Variants in PLEKHG3 observed in about 807,000 individuals in gnomAD.
PLEKHG3 encodes pleckstrin homology and RhoGEF domain containing G3.
A neutral mutation model predicts 94.9 loss-of-function variants in PLEKHG3; 62 were observed. That is an observed-to-expected ratio of 0.65 (90% CI 0.53 to 0.81). PLEKHG3 has a LOEUF of 0.81. PLEKHG3 is among the 30% of genes least tolerant of loss of function. PLEKHG3 has a pLI of 0.00. For synonymous variants in PLEKHG3, 614 were observed against 654.0 expected (o/e 0.94, Z 0.93); for missense variants, 1,461 against 1,619.3 (o/e 0.90, Z 1.68).
rs533451158 is a variant in PLEKHG3 at position 64,732,985 on chromosome 14, T to G, written c.1345+84T>G. 2 of 850,216 alleles carry G rather than the reference T, an allele frequency of 2.4e-6. No individual in the cohort carries two copies. The highest frequency in any genetic ancestry group is 3.0e-5 in the South Asian group (2 of 65,958). The allele number at this position is 850,216 out of a possible 1,614,324, so 52.7% of individuals were successfully genotyped here. Reference sequence around the variant, plus strand: ...GACCGTCTGCGGCAGTGTCCAGGGCTGTGGCTCTCACCTCTGCGGAAACCC... The same window carrying G: ...GACCGTCTGCGGCAGTGTCCAGGGCGGTGGCTCTCACCTCTGCGGAAACCC... On this transcript the variant is annotated intron_variant, in intron 12 of 16. Transcript: ENST00000247226. This position sits in a 1 kb window ranked among gnomAD's most constrained non-coding sequence, Gnocchi z 4.9.
chr14:64,721,954 T>G lies in PLEKHG3; in HGVS notation c.-39-5639T>G, dbSNP rs2081268812. Among the ~76,000 whole-genome samples, 1 of 151,740 alleles carries G rather than the reference T, an allele frequency of 6.6e-6. No homozygotes were observed. Among genetic ancestry groups the G allele is most frequent in the African/African-American group, 2.4e-5 (1 of 41,414 alleles). ...GTTGAGATCTTAGTTGAGAGAGATC[T>G]CTCTCTGGAAGTTCACATTGCTCCC... On this transcript the variant is annotated intron_variant, in intron 1 of 16. Transcript: ENST00000247226. This position sits in a 1 kb window ranked among gnomAD's most constrained non-coding sequence, Gnocchi z 4.3.
Position 64,733,946 on chromosome 14 carries a change from G to C in PLEKHG3, c.1345+1045G>C, listed in dbSNP as rs115027029. ...AACATATACCCAAGGTGGGAGTTGG[G>C]GTGAGAATTGTCTTTAAGACCCTGG... On this transcript the variant is annotated intron_variant, in intron 12 of 16. Transcript: ENST00000247226. Among the ~76,000 whole-genome samples the C allele has an allele frequency of 2.9e-3, 435 of 152,338 alleles. 1 individual carries two copies. The highest frequency in any genetic ancestry group is 0.01 in the Middle Eastern group (3 of 294).
Position 64,749,137 on chromosome 14 carries a change from A to T in PLEKHG3, c.*5434A>T. ...GAGGGCATGGAGGGGGCGTCGGCCC[A>T]GGACACGCGGGCGAAGGCAGCTTTT... On this transcript the variant is annotated 3_prime_UTR_variant, in exon 17 of 17. Coordinates refer to ENST00000247226, the MANE Select transcript of PLEKHG3 (RefSeq NM_001308147.2). This position sits in a 1 kb window ranked among gnomAD's most constrained non-coding sequence, Gnocchi z 4.7. 1 of 723,650 alleles carries T rather than the reference A, an allele frequency of 1.4e-6. No individual in the cohort carries two copies. Among genetic ancestry groups the T allele is most frequent in the Non-Finnish European group, 2.2e-6 (1 of 463,948 alleles). 44.8% of individuals were successfully genotyped at this position (723,650 alleles called of 1,614,324 possible).
rs368961738 is a variant in PLEKHG3, at chr14:64,742,379, G to C, written c.2862G>C (p.Val954=). The C allele has an allele frequency of 6.2e-7, 1 of 1,612,842 alleles. No homozygotes were observed. The highest frequency in any genetic ancestry group is 1.3e-5 in the African/African-American group (1 of 74,954). ...MARPPLQWEK[V]APERDGKSPT... The stretch of plus-strand genomic sequence containing the variant: ...GGCCACCACTGCAGTGGGAAAAGGT[G>C]GCCCCTGAGAGGGATGGGAAGAGCC... Residue 954 remains valine (V), a synonymous_variant, in exon 16 of 17, where the codon GTG becomes GTC. Transcript: ENST00000247226.
chr14:64,749,044 G>A lies in PLEKHG3; in HGVS notation c.*5341G>A, dbSNP rs2081896518. 2 of 403,990 alleles carry A rather than the reference G, an allele frequency of 5.0e-6. No individual in the cohort carries two copies. Among genetic ancestry groups the A allele is most frequent in the Admixed American group, 4.5e-5 (1 of 22,316 alleles). 25.0% of individuals were successfully genotyped at this position (403,990 alleles called of 1,614,324 possible). A position where few individuals can be genotyped will look rare whatever the true frequency, so the allele number is the denominator to read the frequency against. On this transcript the variant is annotated 3_prime_UTR_variant, in exon 17 of 17. Transcript: ENST00000247226. The surrounding 1 kb of genome is among the most constrained non-coding windows in gnomAD (Gnocchi z 4.7). ...CTCAGAGAACCGTTTCCTGCCCCCA[G>A]GCCTGGAGGCCCCAAAGGCGCCAGA... is the stretch of plus-strand genomic sequence containing the variant.
At position 64,742,450 on chromosome 14, in the gene PLEKHG3, G is replaced by T; in HGVS notation, c.2933G>T (p.Gly978Val). Residue 978 changes from glycine to valine, a missense_variant, in exon 16 of 17, where the codon GGC becomes GTC. Around this residue, in one of 3 missense-constraint regions of PLEKHG3, gnomAD observed 1,201 missense variants for 1,295.5 expected, o/e 0.93. Transcript: ENST00000247226. ...GAAGAGGCTGGAGAGCCATTAGGTG[G>T]CAAAGGTATGACAGAAGCGGCAAGT... is the stretch of plus-strand genomic sequence containing the variant. ...LQEEAGEPLG[G>V]KGKRKPVLSL... is the part of the protein sequence containing the mutation. The T allele has an allele frequency of 6.2e-7, 1 of 1,603,968 alleles. No homozygotes were observed. The highest frequency in any genetic ancestry group is 8.5e-7 in the Non-Finnish European group (1 of 1,174,388).
chr14:64,731,884 C>A lies in PLEKHG3; in HGVS notation c.1125+78C>A, dbSNP rs1005435298. On this transcript the variant is annotated intron_variant, in intron 9 of 16. Coordinates refer to ENST00000247226, the MANE Select transcript of PLEKHG3 (RefSeq NM_001308147.2). This position sits in a 1 kb window ranked among gnomAD's most constrained non-coding sequence, Gnocchi z 6.1. ...CTGCGTGGGACTCCTGGCTCCTCTGCTCACCTAGCTGCCCCAAGCCCCAGT... is the reference window on the plus strand; with the variant it reads ...CTGCGTGGGACTCCTGGCTCCTCTGATCACCTAGCTGCCCCAAGCCCCAGT... The A allele has an allele frequency of 7.6e-6, 8 of 1,057,506 alleles. No individual in the cohort carries two copies. The South Asian group carries it at 1.0e-4, about 13-fold the overall frequency. 65.5% of individuals were successfully genotyped at this position (1,057,506 alleles called of 1,614,324 possible). A position where few individuals can be genotyped will look rare whatever the true frequency, so the allele number is the denominator to read the frequency against.
At position 64,742,950 on chromosome 14, in the gene PLEKHG3, C is replaced by T. The variant is rs753505751; in HGVS notation, c.2939-32C>T. ...CCCTTGCAGCTCTGCCCTCCCGCCC[C>T]ATGCTTCAGGCAGCTTGCTCTCTCC... On this transcript the variant is annotated intron_variant, in intron 16 of 16. Coordinates refer to ENST00000247226, the MANE Select transcript of PLEKHG3 (RefSeq NM_001308147.2). 4.3e-6 allele frequency: 7 copies of T among 1,611,852 alleles called. No homozygotes were observed. The Admixed American group carries it at 6.7e-5, about 15-fold the overall frequency.
rs373091506 is a variant in PLEKHG3 at position 64,750,050 on chromosome 14, A to G, written c.*6347A>G. On this transcript the variant is annotated 3_prime_UTR_variant, in exon 17 of 17. Transcript: ENST00000247226. ...CTCACAGATGGCATGTCTCAGGGCCAGGGGTTCCTCCCCATGGTAGGGCAT... is the reference window on the plus strand; with the variant it reads ...CTCACAGATGGCATGTCTCAGGGCCGGGGGTTCCTCCCCATGGTAGGGCAT... 3 of 1,614,106 alleles carry G rather than the reference A, an allele frequency of 1.9e-6. No homozygotes were observed. In the African/African-American group the frequency reaches 4.0e-5, roughly 22 times the overall value.
At position 64,749,472 on chromosome 14, in the gene PLEKHG3, T is replaced by A; in HGVS notation, c.*5769T>A. 1 of 1,600,072 alleles carries A rather than the reference T, an allele frequency of 6.2e-7. No homozygotes were observed. The highest frequency in any genetic ancestry group is 8.5e-7 in the Non-Finnish European group (1 of 1,178,094). ...GCCCTGCAGCCAGGACAGCATCTCC[T>A]CCTGCGGGGCGGAGGGTCACGGTGG... On this transcript the variant is annotated 3_prime_UTR_variant, in exon 17 of 17. Coordinates refer to ENST00000247226, the MANE Select transcript of PLEKHG3 (RefSeq NM_001308147.2). The surrounding 1 kb of genome is among the most constrained non-coding windows in gnomAD (Gnocchi z 4.7).
rs562074706 is a variant in PLEKHG3, at chr14:64,732,555, C to T, written c.1246+95C>T. 2 of 1,172,584 alleles carry T rather than the reference C, an allele frequency of 1.7e-6. No homozygotes were observed. Among genetic ancestry groups the T allele is most frequent in the African/African-American group, 3.0e-5 (2 of 66,230 alleles). The allele number at this position is 1,172,584 out of a possible 1,614,324, so 72.6% of individuals were successfully genotyped here. On this transcript the variant is annotated intron_variant, in intron 11 of 16. Coordinates refer to ENST00000247226, the MANE Select transcript of PLEKHG3 (RefSeq NM_001308147.2). The surrounding 1 kb of genome is among the most constrained non-coding windows in gnomAD (Gnocchi z 4.9). ...GAAGCTTTACCTGATAATTTTATTC[C>T]AGGAGCAGGGAGGGCGGGGGTCTCC...
Position 64,742,030 on chromosome 14 carries a change from A to T in PLEKHG3, c.2513A>T (p.Asn838Ile). 6.3e-7 allele frequency: 1 copy of T among 1,590,494 alleles called. No individual in the cohort carries two copies. Among genetic ancestry groups the T allele is most frequent in the Non-Finnish European group, 8.6e-7 (1 of 1,167,110 alleles). The part of the protein sequence containing the change: ...PGKGPGQGQA[N>I]GFDLHEPLFI... Reference sequence around the variant, plus strand: ...AAGGGGCCAGGCCAGGGCCAGGCCAATGGCTTTGACCTGCATGAGCCACTC... The same window carrying T: ...AAGGGGCCAGGCCAGGGCCAGGCCATTGGCTTTGACCTGCATGAGCCACTC... The change falls in exon 16 of 17, where the codon AAT (asparagine) becomes ATT (isoleucine). Residue 838 changes from asparagine (N) to isoleucine (I), a missense_variant. Around this residue, in one of 3 missense-constraint regions of PLEKHG3, gnomAD observed 1,201 missense variants for 1,295.5 expected, o/e 0.93. Transcript: ENST00000247226.
At chr14:64,706,595 C>G (rs1298306712) in intron 1 of PLEKHG3, among the ~76,000 whole-genome samples, 1 of 152,238 alleles carries the variant, frequency 6.6e-6, no homozygotes, top group African/African-American at 2.4e-5. Flanking sequence ...TTACAATTTG[C>G]TGGCTATGTC....
At position 64,731,131 on chromosome 14, in the gene PLEKHG3, G is replaced by A. The variant is rs775230864; in HGVS notation, c.811G>A (p.Asp271Asn). 2 of 1,611,254 alleles carry A rather than the reference G, an allele frequency of 1.2e-6. No individual in the cohort carries two copies. The highest frequency in any genetic ancestry group is 1.1e-5 in the South Asian group (1 of 91,040). ...TMTCVAWYIN[D>N]MKRRHEHAVR... ...GACCTGTGTGGCCTGGTACATCAACGACATGAAGAGGAGGCATGAGCACGC... is the reference window on the plus strand; with the variant it reads ...GACCTGTGTGGCCTGGTACATCAACAACATGAAGAGGAGGCATGAGCACGC... Residue 271 changes from aspartate (D) to asparagine (N), a missense_variant, in exon 7 of 17, where the codon GAC (aspartate) becomes AAC (asparagine). This residue lies in a region of PLEKHG3 where 1,201 missense variants were observed against 1,295.5 expected (regional missense o/e 0.93). Transcript: ENST00000247226. The surrounding 1 kb of genome is among the most constrained non-coding windows in gnomAD (Gnocchi z 6.1).
rs1286564149 is a variant in PLEKHG3 at position 64,718,698 on chromosome 14, A to G, written c.-39-8895A>G. Among the ~76,000 whole-genome samples the G allele has an allele frequency of 1.3e-5, 2 of 152,136 alleles. No homozygotes were observed. The highest frequency in any genetic ancestry group is 4.8e-5 in the African/African-American group (2 of 41,406). ...CTGTAGTCCCTGGGCTCTTTCATACACATTCTTCTGCTTTTCCTTTTTTTG... is the reference window on the plus strand; with the variant it reads ...CTGTAGTCCCTGGGCTCTTTCATACGCATTCTTCTGCTTTTCCTTTTTTTG... On this transcript the variant is annotated intron_variant, in intron 1 of 16. Transcript: ENST00000247226. This position sits in a 1 kb window ranked among gnomAD's most constrained non-coding sequence, Gnocchi z 5.0.
At chr14:64,709,045 G>A (rs2081023027) in intron 1 of PLEKHG3, among the ~76,000 whole-genome samples, 1 of 152,192 alleles carries the variant, frequency 6.6e-6, no homozygotes, top group African/African-American at 2.4e-5. Flanking sequence ...GATCAGCAGG[G>A]GGCCCATCTA....
chr14:64,749,173 G>GT lies in PLEKHG3; in HGVS notation c.*5471dup. ...GCGAAGGCAGCTTTTGCAGTGCAGC[G>GT]TGGGGCCCGGGGGCCCGGCCCGCGA... is the stretch of plus-strand genomic sequence containing the variant. On this transcript the variant is annotated 3_prime_UTR_variant, in exon 17 of 17. Coordinates refer to ENST00000247226, the MANE Select transcript of PLEKHG3 (RefSeq NM_001308147.2). The surrounding 1 kb of genome is among the most constrained non-coding windows in gnomAD (Gnocchi z 4.7). 1.8e-6 allele frequency: 2 copies of GT among 1,113,406 alleles called. No homozygotes were observed. The highest frequency in any genetic ancestry group is 2.7e-5 in the East Asian group (1 of 36,516). 69.0% of individuals were successfully genotyped at this position (1,113,406 alleles called of 1,614,324 possible).
In PLEKHG3 at chr14:64,749,468, C is replaced by T. The variant is rs1280024357; in HGVS notation, c.*5765C>T. ...TCACGCCCTGCAGCCAGGACAGCAT[C>T]TCCTCCTGCGGGGCGGAGGGTCACG... On this transcript the variant is annotated 3_prime_UTR_variant, in exon 17 of 17. Transcript: ENST00000247226. This position sits in a 1 kb window ranked among gnomAD's most constrained non-coding sequence, Gnocchi z 4.7. The T allele has an allele frequency of 6.2e-7, 1 of 1,600,770 alleles. No individual in the cohort carries two copies. Among genetic ancestry groups the T allele is most frequent in the Non-Finnish European group, 8.5e-7 (1 of 1,178,272 alleles).
In PLEKHG3 at chr14:64,716,457, C is replaced by CACACACACACA. The variant is rs1566693810; in HGVS notation, c.-39-11127_-39-11126insCAACACACACA. Among the ~76,000 whole-genome samples, 11 of 129,816 alleles carry CACACACACACA rather than the reference C, an allele frequency of 8.5e-5. No homozygotes were observed. The highest frequency in any genetic ancestry group is 1.5e-4 in the Non-Finnish European group (9 of 60,704). 85.2% of individuals were successfully genotyped at this position (129,816 alleles called of 152,430 possible). ...CCCTACACACACACACACACACACA[C>CACACACACACA]ACACACACAACACACACACACACAA... On this transcript the variant is annotated intron_variant, in intron 1 of 16. Coordinates refer to ENST00000247226, the MANE Select transcript of PLEKHG3 (RefSeq NM_001308147.2). The surrounding 1 kb of genome is among the most constrained non-coding windows in gnomAD (Gnocchi z 5.0).
Sources: allele counts gnomAD v4.1 joint callset (sites outside exome capture counted in the v4.1 genomes callset), GRCh38; gene constraint gnomAD v4.1.1; regional missense constraint gnomAD v4.1.1; non-coding constraint Gnocchi (gnomAD v3.1); transcripts MANE v1.5; gene names NCBI Gene and HGNC (gene_info 2026-07-23, HGNC 2026-07-21).